The following SOCS6 variants were observed in gnomAD, a reference collection of about 807,000 sequenced individuals.
The protein encoded by SOCS6 is STAT induced STAT inhibitor-4.
SOCS6 carries 5 observed loss-of-function variants against 27.7 expected under a neutral mutation model. The observed-to-expected ratio is 0.18, with a 90% CI of 0.09 to 0.38. SOCS6 has a LOEUF of 0.38. SOCS6 is among the 10% of genes least tolerant of loss of function. The pLI, the probability that SOCS6 is intolerant of heterozygous loss-of-function variation, is 1.00. For missense variants in SOCS6, 595 were observed against 688.1 expected (o/e 0.86, Z 1.51); for synonymous variants, 271 against 260.0 (o/e 1.04, Z -0.41).
chr18:70,317,541 CTTCATAT>C (rs2062417493), intron 1 of SOCS6, among the ~76,000 whole-genome samples: 3 of 7,014 alleles, frequency 4.3e-4, no homozygotes, highest in African/African-American at 4.7e-4. Flanking sequence ...TATATACACA[CTTCATAT>C]ATACATACAC....
intron 1 of SOCS6, among the ~76,000 whole-genome samples, chr18:70,306,349 T>C (rs2062369012): frequency 1.3e-5 from 2 of 150,998 alleles, no homozygotes; most frequent in African/African-American, 4.9e-5. Context: ...TGGCGCACGC[T>C]ACTGGGGAGG....
intron 1 of SOCS6, among the ~76,000 whole-genome samples, chr18:70,317,518 A>T (rs747447317): frequency 6.6e-4 from 14 of 21,268 alleles, no homozygotes; most frequent in Non-Finnish European, 8.3e-4. Context: ...ATATATACAT[A>T]CATATATACG....
intron 1 of SOCS6, among the ~76,000 whole-genome samples, chr18:70,296,939 T>C (rs2062326426): frequency 6.6e-6 from 1 of 150,866 alleles, no homozygotes; most frequent in Non-Finnish European, 1.5e-5. Context: ...CTCTTCTTCA[T>C]TGGACATAGG....
At chr18:70,294,310 C>T (rs1335103382) in intron 1 of SOCS6, among the ~76,000 whole-genome samples, 1 of 151,904 alleles carries the variant, frequency 6.6e-6, no homozygotes, top group African/African-American at 2.4e-5. Context: ...TCCCAGGGGG[C>T]CTGGCCACTG....
rs916421667 is a variant in SOCS6, at chr18:70,301,551, G to A, written c.-127+12461G>A. 1.1e-4 allele frequency among the ~76,000 whole-genome samples: 16 copies of A among 152,124 alleles called. No individual in the cohort carries two copies. In the South Asian group the frequency reaches 2.3e-3, roughly 22 times the overall value. On this transcript the variant is annotated intron_variant, in intron 1 of 1. Coordinates refer to ENST00000397942, the MANE Select transcript of SOCS6 (RefSeq NM_004232.4). ...GTGGGGGTGGGGTGGGGAACAACCC[G>A]AGTTTAGTTTTGAACTTGTGAAGTT...
chr18:70,313,684 T>C (rs921075107), intron 1 of SOCS6, among the ~76,000 whole-genome samples: 4 of 152,190 alleles, frequency 2.6e-5, no homozygotes, highest in Non-Finnish European at 5.9e-5. Context: ...ACTCTTCCCA[T>C]ATGTCTCTTG....
chr18:70,304,336 A>G (rs907150947), intron 1 of SOCS6, among the ~76,000 whole-genome samples: 3 of 152,034 alleles, frequency 2.0e-5, no homozygotes, highest in Non-Finnish European at 4.4e-5. Context: ...TTTGTTCTCT[A>G]TATTTAGCCA....
intron 1 of SOCS6, among the ~76,000 whole-genome samples, chr18:70,317,558 C>CGTATATAT (rs2062417987): frequency 3.4e-5 from 4 of 118,964 alleles, no homozygotes; most frequent in African/African-American, 3.2e-5. Context: ...TATACATACA[C>CGTATATAT]ACACACACAC....
chr18:70,315,572 A>G (rs1332675116), intron 1 of SOCS6, among the ~76,000 whole-genome samples: 1 of 152,146 alleles, frequency 6.6e-6, no homozygotes. Context: ...TATGCCAGCT[A>G]GTTGTTTACC....
rs1329840643 is a variant in SOCS6, at chr18:70,326,383, C to T, written c.*107C>T. On this transcript the variant is annotated 3_prime_UTR_variant, in exon 2 of 2. Transcript: ENST00000397942. ...AAATCTTTTGCTGCCATAACTATTTCAGTTTTATGTGTAAAAGAGTCATCA... is the reference window on the plus strand; with the variant it reads ...AAATCTTTTGCTGCCATAACTATTTTAGTTTTATGTGTAAAAGAGTCATCA... 6 of 958,182 alleles carry T rather than the reference C, an allele frequency of 6.3e-6. No homozygotes were observed. The South Asian group carries it at 1.0e-4, about 16-fold the overall frequency. The allele number at this position is 958,182 out of a possible 1,614,324, so 59.4% of individuals were successfully genotyped here.
intron 1 of SOCS6, among the ~76,000 whole-genome samples, chr18:70,321,312 GTTTTTT>G (rs763120236): frequency 8.3e-4 from 57 of 68,692 alleles, no homozygotes; most frequent in African/African-American, 2.5e-3. Flanking sequence ...AATTTTCTCA[GTTTTTT>G]TTTTTTTTTT....
chr18:70,307,288 A>G (rs996564631), intron 1 of SOCS6, among the ~76,000 whole-genome samples: 1 of 152,112 alleles, frequency 6.6e-6, no homozygotes, highest in African/African-American at 2.4e-5. Flanking sequence ...TTTTTCTATC[A>G]GTGTTCATGA....
chr18:70,295,526 G>A (rs2062319178), intron 1 of SOCS6, among the ~76,000 whole-genome samples: 1 of 152,076 alleles, frequency 6.6e-6, no homozygotes, highest in Non-Finnish European at 1.5e-5. Flanking sequence ...CTTAATTTTG[G>A]TTTTCAGTAA....
chr18:70,312,186 C>T (rs2062393244), intron 1 of SOCS6, among the ~76,000 whole-genome samples: 1 of 152,150 alleles, frequency 6.6e-6, no homozygotes, highest in Non-Finnish European at 1.5e-5. Flanking sequence ...AGTACGTGAA[C>T]TTACGCAGTC....
intron 1 of SOCS6, among the ~76,000 whole-genome samples, chr18:70,302,926 G>A (rs541494727): frequency 3.5e-4 from 53 of 152,128 alleles, no homozygotes; most frequent in African/African-American, 1.2e-3. Context: ...TTTTTGTTTG[G>A]CAGTCATGGT....
chr18:70,322,145 T>A (rs781004329), intron 1 of SOCS6, among the ~76,000 whole-genome samples: 1 of 152,250 alleles, frequency 6.6e-6, no homozygotes, highest in South Asian at 2.1e-4. Context: ...TTCAAGTATA[T>A]GTATAAACTT....
intron 1 of SOCS6, among the ~76,000 whole-genome samples, chr18:70,289,319 G>A (rs943689463): frequency 6.7e-6 from 1 of 149,000 alleles, no homozygotes; most frequent in East Asian, 2.0e-4. Context: ...CAGGGCCGGG[G>A]AACGGGGGCC....
chr18:70,306,633 G>A (rs1354884125), intron 1 of SOCS6, among the ~76,000 whole-genome samples: 1 of 152,090 alleles, frequency 6.6e-6, no homozygotes, highest in East Asian at 1.9e-4. Context: ...TAGAGGGGGT[G>A]AGCGCAAATG....
chr18:70,298,197 T>A (rs535696486), intron 1 of SOCS6, among the ~76,000 whole-genome samples: 23 of 152,264 alleles, frequency 1.5e-4, no homozygotes, highest in Middle Eastern at 3.4e-3. Flanking sequence ...TAAAACACTT[T>A]GCTACAGTAC....
Sources: allele counts gnomAD v4.1 joint callset (sites outside exome capture counted in the v4.1 genomes callset), GRCh38; gene constraint gnomAD v4.1.1; transcripts MANE v1.5; gene names NCBI Gene and HGNC (gene_info 2026-07-23, HGNC 2026-07-21).